TMEM45A: variants seen among roughly 807,000 people sequenced by gnomAD.
TMEM45A encodes the protein DNA polymerase-transactivated protein 4.
TMEM45A carries 25 observed loss-of-function variants against 32.0 expected under a neutral mutation model. The observed-to-expected ratio is 0.78, with a 90% CI of 0.57 to 1.09. The LOEUF (loss-of-function observed/expected upper bound fraction) is 1.09, where lower values mean the gene tolerates loss of function less well. Among genes scored for constraint, TMEM45A ranks in the 50% least tolerant of loss-of-function variants. TMEM45A has a pLI of 0.00. For missense variants in TMEM45A, 302 were observed against 325.0 expected, an observed-to-expected ratio of 0.93 and a Z score of 0.54; for synonymous variants, 122 against 114.8, an observed-to-expected ratio of 1.06 and a Z score of -0.40.
At chr3:100,519,106 G>C (rs1330955440) in intron 1 of TMEM45A, 1 of 164,656 alleles carries the variant, frequency 6.1e-6, no homozygotes, top group Non-Finnish European at 1.3e-5. Flanking sequence ...CTGAAGTTGG[G>C]TGGAGGTGGA....
chr3:100,527,978 C>T (rs1265647660), intron 1 of TMEM45A, among the ~76,000 whole-genome samples: 1 of 152,218 alleles, frequency 6.6e-6, no homozygotes, highest in Non-Finnish European at 1.5e-5. Context: ...GAAATCCCTT[C>T]ACGGATCACC....
chr3:100,500,235 A>G (rs1707990543), intron 1 of TMEM45A, among the ~76,000 whole-genome samples: 2 of 152,154 alleles, frequency 1.3e-5, no homozygotes, highest in African/African-American at 4.8e-5. Flanking sequence ...TATTTTATGC[A>G]TTGTTCAGAC....
chr3:100,511,144 G>A (rs1269636767), intron 1 of TMEM45A, among the ~76,000 whole-genome samples: 1 of 151,828 alleles, frequency 6.6e-6, no homozygotes, highest in African/African-American at 2.4e-5. Flanking sequence ...TACTCCTCGA[G>A]AAGAGCAACT....
At chr3:100,532,166 T>C (rs1705658863) in intron 1 of TMEM45A, among the ~76,000 whole-genome samples, 1 of 152,198 alleles carries the variant, frequency 6.6e-6, no homozygotes, top group Non-Finnish European at 1.5e-5. Context: ...TCAAATGGTG[T>C]GTGCCTACAG....
At chr3:100,537,020 C>T (rs1320533094) in intron 1 of TMEM45A, among the ~76,000 whole-genome samples, 2 of 152,222 alleles carry the variant, frequency 1.3e-5, no homozygotes, top group Non-Finnish European at 2.9e-5. Flanking sequence ...CTCCCAGGTT[C>T]AAGTGATTCT....
chr3:100,494,641 A>G (rs1051943305), intron 1 of TMEM45A, among the ~76,000 whole-genome samples: 2 of 152,042 alleles, frequency 1.3e-5, no homozygotes, highest in African/African-American at 4.8e-5. Flanking sequence ...AAAAAAAAAA[A>G]AAATTCTAAG....
chr3:100,517,860 C>T (rs1040939104), intron 1 of TMEM45A, among the ~76,000 whole-genome samples: 1 of 152,200 alleles, frequency 6.6e-6, no homozygotes, highest in African/African-American at 2.4e-5. Flanking sequence ...AAAAGCCGTT[C>T]TTACGTGGCA....
chr3:100,499,971 T>A (rs192807925), intron 1 of TMEM45A, among the ~76,000 whole-genome samples: 17 of 152,312 alleles, frequency 1.1e-4, no homozygotes, highest in Admixed American at 2.6e-4. Context: ...CTATTTTTTT[T>A]AAAACTATTT....
At chr3:100,504,835 A>C (rs1293801300) in intron 1 of TMEM45A, among the ~76,000 whole-genome samples, 1 of 152,188 alleles carries the variant, frequency 6.6e-6, no homozygotes, top group Non-Finnish European at 1.5e-5. Context: ...GAGCAAGATG[A>C]CCAAAACCAA....
intron 1 of TMEM45A, among the ~76,000 whole-genome samples, chr3:100,545,880 T>C (rs1705970357): frequency 6.6e-6 from 1 of 152,230 alleles, no homozygotes; most frequent in Non-Finnish European, 1.5e-5. Context: ...TTCCTGGAAC[T>C]TGTGAATATA....
intron 5 of TMEM45A, chr3:100,573,970 G>A (rs1295090231): frequency 1.3e-5 from 2 of 152,130 alleles, no homozygotes; most frequent in Non-Finnish European, 2.9e-5. Context: ...TGGTGGATAA[G>A]CTTTTTGATG....
chr3:100,556,530 T>A (rs1706224043), intron 2 of TMEM45A, among the ~76,000 whole-genome samples: 2 of 152,244 alleles, frequency 1.3e-5, no homozygotes, highest in African/African-American at 2.4e-5. Flanking sequence ...CTGAAATAGC[T>A]GTTTGATTCA....
At chr3:100,538,284 A>G (rs11719592) in intron 1 of TMEM45A, among the ~76,000 whole-genome samples, 79,813 of 152,044 alleles carry the variant, frequency 0.52, 23,097 homozygotes, top group African/African-American at 0.78. Context: ...TTAAATTTCT[A>G]AAACTGGCAT....
chr3:100,576,935 T>G lies in TMEM45A; in HGVS notation c.745T>G (p.Ser249Ala), dbSNP rs1197063274. The G allele has an allele frequency of 2.5e-6, 4 of 1,612,800 alleles. No homozygotes were observed. The highest frequency in any genetic ancestry group is 3.4e-6 in the Non-Finnish European group (4 of 1,179,560). The change falls in exon 6 of 6, where the codon TCT (serine) becomes GCT (alanine). Residue 249 changes from serine to alanine, a missense_variant. Ser to Ala is a moderately conservative substitution (Grantham distance 99). Coordinates refer to ENST00000323523, the MANE Select transcript of TMEM45A (RefSeq NM_018004.3). The stretch of plus-strand genomic sequence containing the variant: ...TTTCTTTCTCCTCAGGTTGGTTAAA[T>G]CTAGACTTAAGAGGCTCTGCTCCTC... ...NYAFITWLVK[S>A]RLKRLCSSEV... is the part of the protein sequence containing the mutation.
chr3:100,533,037 T>C (rs1410602290), intron 1 of TMEM45A, among the ~76,000 whole-genome samples: 5 of 152,168 alleles, frequency 3.3e-5, no homozygotes, highest in African/African-American at 1.2e-4. Flanking sequence ...AAAGTGGGGA[T>C]AATAATTATG....
In TMEM45A at chr3:100,492,884, G is replaced by T. The variant is rs1347347501; in HGVS notation, c.-48G>T. 1 of 151,974 alleles carries T rather than the reference G, an allele frequency of 6.6e-6. No individual in the cohort carries two copies. The highest frequency in any genetic ancestry group is 2.4e-5 in the African/African-American group (1 of 41,344). The allele number at this position is 151,974 out of a possible 1,614,324, so 9.4% of individuals were successfully genotyped here. ...CCCAGCCGCTGTCTGATTTTAAGCTGGCAAAGTGGGAAAAATAAAGTGTTG... is the reference window on the plus strand; with the variant it reads ...CCCAGCCGCTGTCTGATTTTAAGCTTGCAAAGTGGGAAAAATAAAGTGTTG... On this transcript the variant is annotated 5_prime_UTR_variant, in exon 1 of 6. Coordinates refer to ENST00000323523, the MANE Select transcript of TMEM45A (RefSeq NM_018004.3).
At chr3:100,530,505 T>A (rs536675331) in intron 1 of TMEM45A, among the ~76,000 whole-genome samples, 1 of 152,306 alleles carries the variant, frequency 6.6e-6, no homozygotes, top group African/African-American at 2.4e-5. Context: ...GTTAATAATA[T>A]CTAAAAATAT....
intron 5 of TMEM45A, among the ~76,000 whole-genome samples, chr3:100,576,158 T>G (rs1159553412): frequency 6.6e-6 from 1 of 151,550 alleles, no homozygotes; most frequent in Admixed American, 6.6e-5. Context: ...ACTAAAAATA[T>G]AAAAAAAATT....
At chr3:100,494,990 CT>C (rs150236675) in intron 1 of TMEM45A, among the ~76,000 whole-genome samples, 1,848 of 152,292 alleles carry the variant, frequency 0.012, 23 homozygotes, top group African/African-American at 0.041. Flanking sequence ...TGGAATAGTT[CT>C]GGCCTGTAGT....
Sources: allele counts gnomAD v4.1 joint callset (sites outside exome capture counted in the v4.1 genomes callset), GRCh38; gene constraint gnomAD v4.1.1; transcripts MANE v1.5; gene names NCBI Gene and HGNC (gene_info 2026-07-23, HGNC 2026-07-21).